GPHN: variants seen among roughly 807,000 people sequenced by gnomAD.
GPHN encodes gephyrin.
A neutral mutation model predicts 95.5 loss-of-function variants in GPHN; 17 were observed. That is an observed-to-expected ratio of 0.18 (90% confidence interval 0.12 to 0.27). The LOEUF (loss-of-function observed/expected upper bound fraction) is 0.27, where lower values mean the gene tolerates loss of function less well. Among genes scored for constraint, GPHN ranks in the 10% least tolerant of loss-of-function variants. GPHN has a pLI of 1.00. For missense variants in GPHN, 660 were observed against 978.1 expected (o/e 0.67, Z 4.34); for synonymous variants, 320 against 322.5 (o/e 0.99, Z 0.08).
intron 12 of GPHN, among the ~76,000 whole-genome samples, chr14:67,092,663 G>T (rs976729460): frequency 2.6e-5 from 4 of 151,952 alleles, no homozygotes; most frequent in Admixed American, 6.6e-5. Context: ...AGTAGAAACA[G>T]CTCAAAATAA....
At chr14:67,069,775 C>T (rs990464132) in intron 11 of GPHN, among the ~76,000 whole-genome samples, 3 of 152,210 alleles carry the variant, frequency 2.0e-5, no homozygotes, top group African/African-American at 7.2e-5. Context: ...TAATTCCACC[C>T]ACCCAGGTCA....
chr14:67,655,286 T>G, the GPHN span, among the ~76,000 whole-genome samples: 1 of 149,460 alleles, frequency 6.7e-6, no homozygotes, highest in Non-Finnish European at 1.5e-5. Context: ...AAAATTGCAC[T>G]GCTGCACTCC....
the GPHN span, among the ~76,000 whole-genome samples, chr14:67,340,972 A>G: frequency 2.0e-5 from 3 of 152,220 alleles, no homozygotes; most frequent in Non-Finnish European, 4.4e-5. Context: ...TCGTTCACTC[A>G]GTGCTCAATG....
rs1434227397 is a variant in GPHN at position 66,916,060 on chromosome 14, A to G, written c.447A>G (p.Lys149=). 4 of 1,585,704 alleles carry G rather than the reference A, an allele frequency of 2.5e-6. No individual in the cohort carries two copies. The highest frequency in any genetic ancestry group is 2.7e-5 in the African/African-American group (2 of 74,538). ...TLIINLPGSK[K]GSQECFQFIL... The stretch of plus-strand genomic sequence containing the variant: ...TAATTAACCTGCCAGGTAGCAAGAA[A>G]GGATCTCAGGTAAATCACCTGGACA... Residue 149 remains lysine (K), a synonymous_variant, in exon 6 of 23, where the codon AAA becomes AAG. Transcript: ENST00000478722.
At chr14:66,758,215 T>G (rs188908722) in intron 2 of GPHN, among the ~76,000 whole-genome samples, 3 of 152,296 alleles carry the variant, frequency 2.0e-5, no homozygotes, top group Non-Finnish European at 2.9e-5. Flanking sequence ...ATCGATCCAG[T>G]CCAAAGGTTA....
At chr14:67,363,662 A>C in the GPHN span, among the ~76,000 whole-genome samples, 1 of 152,182 alleles carries the variant, frequency 6.6e-6, no homozygotes, top group African/African-American at 2.4e-5. Context: ...ACTAGGGAGA[A>C]AGTTGTACCA....
At chr14:66,702,544 C>T (rs1266982631) in intron 2 of GPHN, among the ~76,000 whole-genome samples, 1 of 152,236 alleles carries the variant, frequency 6.6e-6, no homozygotes, top group East Asian at 1.9e-4. Context: ...CAAACCACAG[C>T]AGCCATATAG....
intron 4 of GPHN, among the ~76,000 whole-genome samples, chr14:66,841,104 C>T (rs977080549): frequency 6.6e-6 from 1 of 151,556 alleles, no homozygotes; most frequent in African/African-American, 2.4e-5. Flanking sequence ...GTTAAGAAGT[C>T]ACAAGTCCCT....
the GPHN span, among the ~76,000 whole-genome samples, chr14:67,379,654 CTTT>C: frequency 8.3e-6 from 1 of 119,948 alleles, no homozygotes; most frequent in Non-Finnish European, 1.6e-5. Context: ...TTTTCTTTTT[CTTT>C]TTTTTTTTTT....
chr14:67,144,250 A>AATATATATATAT (rs71129810), intron 18 of GPHN, among the ~76,000 whole-genome samples: 98 of 57,694 alleles, frequency 1.7e-3, no homozygotes, highest in Non-Finnish European at 2.4e-3. Flanking sequence ...AAAAAAAAAA[A>AATATATATATAT]ATATATATAT....
chr14:67,188,380 A>G, the GPHN span, among the ~76,000 whole-genome samples: 1 of 152,134 alleles, frequency 6.6e-6, no homozygotes, highest in Admixed American at 6.5e-5. Context: ...AGTAGCCTCA[A>G]AAAATGGACG....
rs374430257 is a variant in GPHN at position 66,922,743 on chromosome 14, G to C, written c.534G>C (p.Glu178Asp). The C allele has an allele frequency of 6.2e-7, 1 of 1,613,426 alleles. No homozygotes were observed. The highest frequency in any genetic ancestry group is 1.7e-5 in the Admixed American group (1 of 60,006). The change falls in exon 7 of 23, where the codon GAG becomes GAC. Residue 178 changes from glutamate to aspartate, a missense_variant. Transcript: ENST00000478722. ...GTGATGCCATTGTAAAAGTAAAGGAGGTGCATGATGAACTTGAAGATTTGC... is the reference window on the plus strand; with the variant it reads ...GTGATGCCATTGTAAAAGTAAAGGACGTGCATGATGAACTTGAAGATTTGC... Reference protein sequence around the residue: ...LLRDAIVKVKEVHDELEDLPS... With the variant: ...LLRDAIVKVKDVHDELEDLPS...
chr14:66,716,726 T>G (rs190147388), intron 2 of GPHN, among the ~76,000 whole-genome samples: 2 of 152,332 alleles, frequency 1.3e-5, no homozygotes, highest in Non-Finnish European at 2.9e-5. Flanking sequence ...AGTGACGAAT[T>G]TTCTCGGCAG....
chr14:66,914,269 T>A (rs533624808), intron 5 of GPHN, among the ~76,000 whole-genome samples: 4 of 152,158 alleles, frequency 2.6e-5, no homozygotes, highest in Non-Finnish European at 5.9e-5. Flanking sequence ...AAAATTGGAA[T>A]AAAAAGAATT....
chr14:66,591,755 T>C (rs887214129), intron 1 of GPHN, among the ~76,000 whole-genome samples: 9 of 152,194 alleles, frequency 5.9e-5, no homozygotes, highest in African/African-American at 2.2e-4. Flanking sequence ...GATTAAGTGC[T>C]ATCCCAATCA....
intron 9 of GPHN, among the ~76,000 whole-genome samples, chr14:67,012,633 C>T (rs987933983): frequency 6.6e-6 from 1 of 152,132 alleles, no homozygotes; most frequent in African/African-American, 2.4e-5. Context: ...TTCATCATTA[C>T]CAGAAAAACA....
chr14:67,713,396 CCA>C, the GPHN span, among the ~76,000 whole-genome samples: 9 of 30,388 alleles, frequency 3.0e-4, no homozygotes, highest in African/African-American at 1.1e-3. Flanking sequence ...AAGTAAAACT[CCA>C]AAAAAAAAAA....
chr14:67,056,787 C>T (rs1190068859), intron 10 of GPHN, among the ~76,000 whole-genome samples: 5 of 140,560 alleles, frequency 3.6e-5, no homozygotes, highest in Non-Finnish European at 6.1e-5. Flanking sequence ...TGGCACCTGT[C>T]GTGGCAGGAG....
intron 8 of GPHN, among the ~76,000 whole-genome samples, chr14:66,939,313 A>G (rs954073701): frequency 6.6e-6 from 1 of 152,206 alleles, no homozygotes; most frequent in African/African-American, 2.4e-5. Context: ...GAATATACAG[A>G]GAACTCCTAA....
Sources: gnomAD v4.1 joint callset for allele counts (sites outside exome capture counted in the v4.1 genomes callset) on GRCh38, gnomAD v4.1.1 for gene constraint, MANE v1.5 for transcripts, NCBI Gene and HGNC (gene_info 2026-07-23, HGNC 2026-07-21) for gene names.